The following MRPL43 variants were observed in gnomAD, a reference collection of about 807,000 sequenced individuals.
The protein encoded by MRPL43 is mitochondrial ribosomal protein L43, also known as large ribosomal subunit protein mL43.
Under a neutral mutation model 12.7 loss-of-function variants are expected in MRPL43, and 9 were observed. The observed-to-expected ratio is 0.71, with a 90% CI of 0.43 to 1.24. The LOEUF is 1.24. MRPL43 is among the 50% of genes most tolerant of loss of function. MRPL43 has a pLI of 0.00. For missense variants in MRPL43, 211 were observed against 229.2 expected (o/e 0.92, Z 0.51); for synonymous variants, 116 against 96.4 (o/e 1.20, Z -1.19).
rs758204885 is a variant in MRPL43 at position 100,986,894 on chromosome 10, T to G, written c.320A>C (p.Gln107Pro). The change falls in exon 3 of 3, where the codon CAG becomes CCG. Residue 107 changes from glutamine (Q) to proline (P), a missense_variant. Transcript: ENST00000318364. Reference protein sequence around the residue: ...ISTLVQKLADQSGLDVIRIRK... With the variant: ...ISTLVQKLADPSGLDVIRIRK... ...GATGCGGATCACGTCCAAGCCCGAC[T>G]GGTCGGCCAGCTTCTGCACCAGCGT... The G allele has an allele frequency of 3.1e-6, 5 of 1,612,794 alleles. No homozygotes were observed. Among genetic ancestry groups the G allele is most frequent in the Admixed American group, 3.3e-5 (2 of 60,020 alleles).
chr10:100,981,760 A>C (rs1851086861), downstream of MRPL43, among the ~76,000 whole-genome samples: 1 of 152,216 alleles, frequency 6.6e-6, no homozygotes, highest in Non-Finnish European at 1.5e-5. Context: ...AAGAAACTGG[A>C]CCAGAATTCA....
At chr10:100,978,281 T>A, downstream of MRPL43, 1 of 1,606,652 alleles carries the variant, frequency 6.2e-7, no homozygotes, top group Non-Finnish European at 8.5e-7. Flanking sequence ...TACTGCTGGT[T>A]CCTTGTTCCC....
chr10:100,981,688 C>A, downstream of MRPL43: 1 of 994,228 alleles, frequency 1.0e-6, no homozygotes, highest in East Asian at 2.7e-5. Flanking sequence ...TTATTATCCC[C>A]ATGAGGGACC....
At chr10:100,979,540 G>A (rs528264476), downstream of MRPL43, among the ~76,000 whole-genome samples, 57 of 152,144 alleles carry the variant, frequency 3.7e-4, no homozygotes, top group East Asian at 3.7e-3. Context: ...GTGCCACCAC[G>A]CCTGGCTAAT....
At chr10:100,979,737 G>C, downstream of MRPL43, 1 of 1,238,470 alleles carries the variant, frequency 8.1e-7, no homozygotes, top group Non-Finnish European at 1.2e-6. Context: ...AGGCCCTGTG[G>C]GACTATAGCT....
chr10:100,978,652 G>A (rs1453311918), downstream of MRPL43: 3 of 1,609,830 alleles, frequency 1.9e-6, no homozygotes, highest in South Asian at 1.1e-5. Context: ...TTAGGAGGAT[G>A]AGGCACAGGA....
In MRPL43 at chr10:100,986,404, G is replaced by C; in HGVS notation, c.*330C>G. The C allele has an allele frequency of 6.8e-7, 1 of 1,478,796 alleles. No homozygotes were observed. The highest frequency in any genetic ancestry group is 8.9e-7 in the Non-Finnish European group (1 of 1,118,112). The allele number at this position is 1,478,796 out of a possible 1,614,324, so 91.6% of individuals were successfully genotyped here. The stretch of plus-strand genomic sequence containing the variant: ...CCAATAAGACATCAGGGATTCTTCA[G>C]AAGCCAGCCTTCAGACCTCTCACTG... On this transcript the variant is annotated 3_prime_UTR_variant, in exon 3 of 3. Coordinates refer to ENST00000318364, the MANE Select transcript of MRPL43 (RefSeq NM_032112.3).
downstream of MRPL43, chr10:100,984,785 A>G: frequency 6.5e-7 from 1 of 1,535,804 alleles, no homozygotes; most frequent in Non-Finnish European, 8.7e-7. Context: ...AGAGCTTGGG[A>G]ACGGGCCAGC....
chr10:100,981,321 G>A, downstream of MRPL43: 6 of 1,596,482 alleles, frequency 3.8e-6, no homozygotes, highest in Middle Eastern at 1.7e-4. Flanking sequence ...TATCTGAGTG[G>A]CTGTGGCTAT....
chr10:100,983,263 C>A (rs1216695046), downstream of MRPL43: 5 of 1,473,222 alleles, frequency 3.4e-6, no homozygotes, highest in Non-Finnish European at 4.5e-6. Flanking sequence ...CTAATCCCTT[C>A]CTGGGACGGG....
rs1442454345 is a variant in MRPL43 at position 100,987,117 on chromosome 10, A to C, written c.211T>G (p.Cys71Gly). 3.1e-6 allele frequency: 5 copies of C among 1,613,832 alleles called. No individual in the cohort carries two copies. The Admixed American group carries it at 8.3e-5, about 27-fold the overall frequency. Residue 71 changes from cysteine to glycine, a missense_variant, in exon 2 of 3, where the codon TGC becomes GGC. Transcript: ENST00000318364. ...TATTCGGCCACTACTCTGGGCACGC[A>C]GCACGGACGCGAGTTTACATATATT... ...VVIYVNSRPC[C>G]VPRVVAEYLN...
downstream of MRPL43, chr10:100,979,478 G>A (rs944485849): frequency 1.8e-5 from 24 of 1,352,786 alleles, no homozygotes; most frequent in African/African-American, 2.9e-4. Flanking sequence ...CGCCTCCCGG[G>A]TTCAAGTGAT....
downstream of MRPL43, among the ~76,000 whole-genome samples, chr10:100,983,140 A>G (rs978012206): frequency 1.3e-5 from 2 of 152,214 alleles, no homozygotes; most frequent in African/African-American, 4.8e-5. Context: ...GGAAGGGCCA[A>G]CGTGAACCTT....
In MRPL43 at chr10:100,987,492, G is replaced by A; in HGVS notation, c.-49C>T. On this transcript the variant is annotated 5_prime_UTR_variant, in exon 1 of 3. Transcript: ENST00000318364. Reference sequence around the variant, plus strand: ...GCCTAAGCAGCGAGGAGAGGGGGGCGGGACTAAACCTCGAGGCTTCCGGTT... The same window carrying A: ...GCCTAAGCAGCGAGGAGAGGGGGGCAGGACTAAACCTCGAGGCTTCCGGTT... 5 of 1,596,338 alleles carry A rather than the reference G, an allele frequency of 3.1e-6. No homozygotes were observed. Among genetic ancestry groups the A allele is most frequent in the South Asian group, 2.2e-5 (2 of 90,162 alleles).
At chr10:100,985,465 A>C (rs1228291159), downstream of MRPL43, 1 of 152,776 alleles carries the variant, frequency 6.5e-6, no homozygotes, top group Non-Finnish European at 1.5e-5. Flanking sequence ...CCTCCACCCC[A>C]CAATGAATGT....
intron 2 of MRPL43, 55 bp downstream of exon 2, chr10:100,987,035 G>A: frequency 1.9e-6 from 3 of 1,607,842 alleles, no homozygotes; most frequent in Non-Finnish European, 2.5e-6. Flanking sequence ...CGAGAAGGAG[G>A]ATAGCGGGTC....
chr10:100,981,684 T>A, downstream of MRPL43: 2 of 1,057,270 alleles, frequency 1.9e-6, no homozygotes, highest in Non-Finnish European at 2.7e-6. Flanking sequence ...ATTATTATTA[T>A]CCCCATGAGG....
At chr10:100,984,507 C>CAT (rs1180219371), downstream of MRPL43, 6 of 1,535,752 alleles carry the variant, frequency 3.9e-6, no homozygotes, top group Admixed American at 1.2e-4. Flanking sequence ...TCTGCAGGTC[C>CAT]ATATGGGCTC....
rs762939998 is a variant in MRPL43 at position 100,987,410 on chromosome 10, C to A, written c.34G>T (p.Ala12Ser). 35 of 1,612,320 alleles carry A rather than the reference C, an allele frequency of 2.2e-5. No homozygotes were observed. Among genetic ancestry groups the A allele is most frequent in the Middle Eastern group, 3.3e-4 (2 of 6,078 alleles). The change falls in exon 1 of 3, where the codon GCC becomes TCC. Residue 12 changes from alanine (A) to serine (S), a missense_variant. Coordinates refer to ENST00000318364, the MANE Select transcript of MRPL43 (RefSeq NM_032112.3). ...TARGTPSRFL[A>S]SVLHNGLGRY... ...CCCAGTCCGTTGTGGAGAACGCTGG[C>A]CAAGAAGCGGCTCGGAGTCCCGCGC...
Sources: allele counts gnomAD v4.1 joint callset (sites outside exome capture counted in the v4.1 genomes callset), GRCh38; gene constraint gnomAD v4.1.1; transcripts MANE v1.5; gene names NCBI Gene and HGNC (gene_info 2026-07-23, HGNC 2026-07-21).